The following CUX1 variants were observed in gnomAD, a reference collection of about 807,000 sequenced individuals.
The protein encoded by CUX1 is cut like homeobox 1, also known as protein CASP.
CUX1 carries 31 observed loss-of-function variants against 158.8 expected under a neutral mutation model. The ratio of observed to expected loss-of-function variants is 0.20; its 90% confidence interval spans 0.15 to 0.26. The LOEUF (loss-of-function observed/expected upper bound fraction) is 0.26. Among genes scored for constraint, CUX1 ranks in the 10% least tolerant of loss-of-function variants. The pLI is 1.00. For missense variants in CUX1, 1,589 were observed against 2,014.6 expected, an observed-to-expected ratio of 0.79 and a Z score of 4.04; for synonymous variants, 879 against 862.1, an observed-to-expected ratio of 1.02 and a Z score of -0.34.
rs369542263 is a variant in CUX1, at chr7:102,254,529, T to C, written c.*5487T>C. The C allele has an allele frequency of 7.6e-5, 75 of 985,482 alleles. 1 individual carries two copies. In the South Asian group the frequency reaches 3.0e-3, roughly 40 times the overall value. 61.0% of individuals were successfully genotyped at this position (985,482 alleles called of 1,614,324 possible). On this transcript the variant is annotated 3_prime_UTR_variant, in exon 24 of 24. Coordinates refer to ENST00000292535, the MANE Select transcript of CUX1 (RefSeq NM_181552.4). ...ACCGAAGAAAATCAGCTCCTGGGGC[T>C]GGTGGTTGGAGGTGGGTCTGTCCAC...
At chr7:101,936,672 G>A (rs981439159) in intron 2 of CUX1, among the ~76,000 whole-genome samples, 8 of 152,190 alleles carry the variant, frequency 5.3e-5, no homozygotes, top group Non-Finnish European at 7.3e-5. Context: ...GTGTTTGTGC[G>A]GAGGGTGGCA....
chr7:102,158,461 C>A, intron 8 of CUX1, 99 bp from the exon 9 acceptor site: 1 of 1,208,474 alleles, frequency 8.3e-7, no homozygotes, highest in Non-Finnish European at 1.2e-6. Context: ...CGGGTCTGCA[C>A]AGCCCTTCCC....
At chr7:101,828,870 T>G (rs1584676455) in intron 1 of CUX1, among the ~76,000 whole-genome samples, 1 of 135,560 alleles carries the variant, frequency 7.4e-6, no homozygotes. Context: ...TGATGGGGGG[T>G]GGGCTTAGCA....
chr7:102,018,679 G>A (rs973146269), intron 2 of CUX1, among the ~76,000 whole-genome samples: 2 of 152,224 alleles, frequency 1.3e-5, no homozygotes, highest in Non-Finnish European at 2.9e-5. Context: ...AGAAGCCTTA[G>A]TGCAACCATT....
chr7:101,919,551 C>T (rs1306972613), intron 2 of CUX1, among the ~76,000 whole-genome samples: 2 of 152,138 alleles, frequency 1.3e-5, no homozygotes, highest in Non-Finnish European at 2.9e-5. Flanking sequence ...CAGGGCACAG[C>T]GTGGCAGAGC....
chr7:101,941,631 G>T (rs1161775225), intron 2 of CUX1, among the ~76,000 whole-genome samples: 1 of 152,186 alleles, frequency 6.6e-6, no homozygotes, highest in Non-Finnish European at 1.5e-5. Flanking sequence ...TCTGAGACTG[G>T]ATCCCTCTCT....
At chr7:102,158,380 G>A (rs7805317) in intron 8 of CUX1, among the ~76,000 whole-genome samples, 180 bp from the exon 9 acceptor site, 45,509 of 151,948 alleles carry the variant, frequency 0.3, 7,132 homozygotes, top group Middle Eastern at 0.36. Flanking sequence ...TCAAAAGAGC[G>A]CATGGCATCA....
chr7:101,895,468 TTGGTCTGGACAG>T (rs1801366626), intron 1 of CUX1, among the ~76,000 whole-genome samples: 1 of 152,146 alleles, frequency 6.6e-6, no homozygotes, highest in African/African-American at 2.4e-5. Flanking sequence ...GATGGGCAGC[TTGGTCTGGACAG>T]TATTGGAAAT....
intron 3 of CUX1, among the ~76,000 whole-genome samples, chr7:102,051,747 C>T (rs1339793263): frequency 6.6e-6 from 1 of 152,082 alleles, no homozygotes; most frequent in Non-Finnish European, 1.5e-5. Flanking sequence ...TCTTTACCTC[C>T]AGACCAGGCA....
intron 3 of CUX1, among the ~76,000 whole-genome samples, chr7:102,045,431 TGCGCCCGC>T (rs1337734379): frequency 6.6e-6 from 1 of 152,264 alleles, no homozygotes; most frequent in Non-Finnish European, 1.5e-5. Context: ...CGGGTGCCAC[TGCGCCCGC>T]GCGCCCCCTC....
In CUX1 at chr7:102,227,485, G is replaced by A. The variant is rs189647354; in HGVS notation, c.3249G>A (p.Ala1083=). The A allele has an allele frequency of 2.4e-5, 38 of 1,614,042 alleles. No homozygotes were observed. The Admixed American group carries it at 3.0e-4, about 13-fold the overall frequency. Residue 1083 remains alanine, a synonymous_variant, in exon 21 of 24, where the codon GCG becomes GCA. Transcript: ENST00000292535. ...LVQQPCPPIE[A]SKDSKPPEPS... is the part of the protein sequence containing the mutation. ...AGCAGCCCTGTCCCCCCATCGAGGC[G>A]AGCAAGGACAGCAAGCCACCAGAGC...
At chr7:101,871,154 CGT>C (rs1192436765) in intron 1 of CUX1, among the ~76,000 whole-genome samples, 1 of 152,106 alleles carries the variant, frequency 6.6e-6, no homozygotes, top group Non-Finnish European at 1.5e-5. Context: ...TCCTAGCATC[CGT>C]GGTTCAGGAG....
chr7:102,083,063 T>C (rs1281426778), intron 4 of CUX1, among the ~76,000 whole-genome samples: 3 of 147,292 alleles, frequency 2.0e-5, no homozygotes, highest in Admixed American at 1.4e-4. Context: ...TTCATTTTCT[T>C]TTCCTCAGGA....
intron 9 of CUX1, among the ~76,000 whole-genome samples, chr7:102,162,375 G>A (rs1220108022): frequency 6.6e-6 from 1 of 152,198 alleles, no homozygotes; most frequent in Non-Finnish European, 1.5e-5. Flanking sequence ...CTGGGTTCAA[G>A]TGATTCCCCT....
intron 8 of CUX1, among the ~76,000 whole-genome samples, chr7:102,123,185 C>G (rs781496491): frequency 4.6e-5 from 7 of 150,636 alleles, no homozygotes; most frequent in African/African-American, 1.7e-4. Flanking sequence ...GAGCTGAGAT[C>G]GCGCCACTAC....
Position 102,257,950 on chromosome 7 carries a change from T to C in CUX1, c.*8908T>C. On this transcript the variant is annotated 3_prime_UTR_variant, in exon 24 of 24. Transcript: ENST00000292535. ...CTTTGAGATGCCTCTGGTGTGTTGC[T>C]GTGTGACATCTCTCTGGTAACATTT... 2.0e-6 allele frequency: 2 copies of C among 983,130 alleles called. No individual in the cohort carries two copies. Among genetic ancestry groups the C allele is most frequent in the Non-Finnish European group, 2.4e-6 (2 of 829,230 alleles). The allele number at this position is 983,130 out of a possible 1,614,324, so 60.9% of individuals were successfully genotyped here.
At chr7:101,950,588 T>C (rs570949127) in intron 2 of CUX1, among the ~76,000 whole-genome samples, 6 of 152,382 alleles carry the variant, frequency 3.9e-5, no homozygotes, top group East Asian at 1.9e-4. Flanking sequence ...TAAAGTTTTA[T>C]TGGCACTCAG....
At chr7:102,145,887 C>T (rs544568817) in intron 8 of CUX1, among the ~76,000 whole-genome samples, 53 of 152,212 alleles carry the variant, frequency 3.5e-4, no homozygotes, top group African/African-American at 1.2e-3. Context: ...GCAGAGGTTG[C>T]GGTGAGTCGA....
At chr7:102,214,904 C>G (rs442483) in intron 20 of CUX1, among the ~76,000 whole-genome samples, 138,878 of 152,228 alleles carry the variant, frequency 0.91, 63,556 homozygotes, top group East Asian at 1. Context: ...CTTTCCTTGA[C>G]GGCCAAAATT....
Sources: gnomAD v4.1 joint callset for allele counts (sites outside exome capture counted in the v4.1 genomes callset) on GRCh38, gnomAD v4.1.1 for gene constraint, MANE v1.5 for transcripts, NCBI Gene and HGNC (gene_info 2026-07-23, HGNC 2026-07-21) for gene names.